Variants in GRM8 observed in about 807,000 individuals in gnomAD.
The protein encoded by GRM8 is metabotropic glutamate receptor 8.
GRM8 carries 47 observed loss-of-function variants against 87.2 expected under a neutral mutation model. The observed-to-expected ratio is 0.54, with a 90% CI of 0.43 to 0.69. The LOEUF is 0.69. GRM8 is among the 30% of genes least tolerant of loss of function. The pLI is 0.00. For missense variants in GRM8, 1,019 were observed against 1,139.2 expected, an observed-to-expected ratio of 0.89 and a Z score of 1.52; for synonymous variants, 396 against 404.5, an observed-to-expected ratio of 0.98 and a Z score of 0.25.
chr7:126,645,013 T>G (rs189575503), intron 7 of GRM8, among the ~76,000 whole-genome samples: 1 of 152,354 alleles, frequency 6.6e-6, no homozygotes, highest in Admixed American at 6.5e-5. Context: ...GTGTCCTTGG[T>G]CATTCCCGGG....
chr7:126,485,420 G>T (rs2150613862), intron 9 of GRM8, among the ~76,000 whole-genome samples: 1 of 152,058 alleles, frequency 6.6e-6, no homozygotes, highest in South Asian at 2.1e-4. Context: ...CACAAGCTAA[G>T]GCATGAGGGC....
intron 2 of GRM8, among the ~76,000 whole-genome samples, chr7:127,236,982 A>G (rs947170278): frequency 6.6e-6 from 1 of 152,224 alleles, no homozygotes; most frequent in Non-Finnish European, 1.5e-5. Flanking sequence ...GAGAGGAAGC[A>G]CAAGCTGCTT....
intron 7 of GRM8, among the ~76,000 whole-genome samples, chr7:126,617,291 A>G (rs1310814777): frequency 6.6e-6 from 1 of 152,242 alleles, no homozygotes. Context: ...GATTATCTCA[A>G]TAGATGAAGA....
intron 2 of GRM8, among the ~76,000 whole-genome samples, chr7:127,221,673 A>T (rs550812331): frequency 6.6e-6 from 1 of 152,290 alleles, no homozygotes; most frequent in South Asian, 2.1e-4. Flanking sequence ...ATTCTCTTAT[A>T]TTCAGCTCTG....
intron 7 of GRM8, among the ~76,000 whole-genome samples, chr7:126,628,791 A>G (rs1460878034): frequency 6.6e-6 from 1 of 152,108 alleles, no homozygotes; most frequent in African/African-American, 2.4e-5. Context: ...GAGTGTTTTC[A>G]TAGATGCATA....
chr7:126,972,609 C>G (rs4731340), intron 3 of GRM8, among the ~76,000 whole-genome samples: 8,237 of 152,116 alleles, frequency 0.054, 480 homozygotes, highest in African/African-American at 0.15. Flanking sequence ...CTAGATTTAA[C>G]CAATCTATCA....
At chr7:127,028,226 T>C (rs1339689956) in intron 3 of GRM8, among the ~76,000 whole-genome samples, 1 of 152,194 alleles carries the variant, frequency 6.6e-6, no homozygotes, top group Non-Finnish European at 1.5e-5. Context: ...GCTGCTGGAT[T>C]CAGTTTGCCA....
intron 2 of GRM8, among the ~76,000 whole-genome samples, chr7:127,112,569 C>A (rs2299535): frequency 0.17 from 26,407 of 152,214 alleles, 2,455 homozygotes; most frequent in Non-Finnish European, 0.21. Flanking sequence ...TGTATCCTAA[C>A]TTTGAAATAT....
At chr7:126,582,199 C>T (rs192850743) in intron 8 of GRM8, among the ~76,000 whole-genome samples, 1 of 152,116 alleles carries the variant, frequency 6.6e-6, no homozygotes, top group Admixed American at 6.6e-5. Context: ...CTCCAGGGAA[C>T]ACATAAATAA....
chr7:126,581,365 G>T lies in GRM8; in HGVS notation c.1494+27997C>A, dbSNP rs138164278. Among the ~76,000 whole-genome samples the T allele has an allele frequency of 1.4e-4, 22 of 152,112 alleles. No individual in the cohort carries two copies. The East Asian group carries it at 4.1e-3, about 28-fold the overall frequency. On this transcript the variant is annotated intron_variant, in intron 8 of 10. Coordinates refer to ENST00000339582, the MANE Select transcript of GRM8 (RefSeq NM_000845.3). ...GAAAAAGTTCTATTTTTCATGGAAT[G>T]CCCAGTAATTGCTTATCCAGCTGGT...
At chr7:127,092,057 C>T (rs1275990899) in intron 3 of GRM8, among the ~76,000 whole-genome samples, 2 of 130,208 alleles carry the variant, frequency 1.5e-5, no homozygotes, top group Non-Finnish European at 3.3e-5. Context: ...GTCATCACCT[C>T]GCCCCACTGG....
At chr7:126,617,199 C>T (rs1047391123) in intron 7 of GRM8, among the ~76,000 whole-genome samples, 2 of 152,146 alleles carry the variant, frequency 1.3e-5, no homozygotes, top group Non-Finnish European at 2.9e-5. Context: ...GGCTTCATCC[C>T]AGGGATGCAA....
chr7:126,777,902 C>T (rs999502530), intron 6 of GRM8, among the ~76,000 whole-genome samples: 8 of 152,062 alleles, frequency 5.3e-5, no homozygotes, highest in African/African-American at 9.7e-5. Context: ...TAAAGACCAA[C>T]GCTAATAAAG....
chr7:126,853,800 C>T (rs182172515), intron 6 of GRM8, among the ~76,000 whole-genome samples: 109 of 152,308 alleles, frequency 7.2e-4, no homozygotes, highest in African/African-American at 2.6e-3. Context: ...TCTTCACTTG[C>T]TCTCCAACTT....
At chr7:127,223,837 A>G (rs1358222065) in intron 2 of GRM8, among the ~76,000 whole-genome samples, 1 of 152,062 alleles carries the variant, frequency 6.6e-6, no homozygotes, top group Admixed American at 6.6e-5. Flanking sequence ...CAAAGTAATG[A>G]GAAGTATCAG....
rs191629788 is a variant in GRM8, at chr7:126,495,266, G to A, written c.2430+37686C>T. On this transcript the variant is annotated intron_variant, in intron 9 of 10. Transcript: ENST00000339582. ...TTTTAGAAGAGAAAGTTGGGTTAGA[G>A]CCAGCACAGCAAGCTGAAATCTGCT... Among the ~76,000 whole-genome samples the A allele has an allele frequency of 4.6e-5, 7 of 152,112 alleles. No homozygotes were observed. The East Asian group carries it at 1.4e-3, about 30-fold the overall frequency.
chr7:127,219,581 G>C (rs1163027412), intron 2 of GRM8: 1 of 152,144 alleles, frequency 6.6e-6, no homozygotes, highest in Non-Finnish European at 1.5e-5. Flanking sequence ...CTGAACTACA[G>C]GAATGCACCA....
chr7:126,452,349 G>A (rs557682743), intron 9 of GRM8, among the ~76,000 whole-genome samples: 1 of 150,460 alleles, frequency 6.6e-6, no homozygotes, highest in African/African-American at 2.4e-5. Context: ...TGAGTTAATG[G>A]GTGCAGCACA....
At chr7:127,117,809 T>C (rs1587068646) in intron 2 of GRM8, among the ~76,000 whole-genome samples, 1 of 152,206 alleles carries the variant, frequency 6.6e-6, no homozygotes, top group African/African-American at 2.4e-5. Flanking sequence ...GGTTCAATTT[T>C]TCCCCCAAGC....
Sources: allele counts gnomAD v4.1 joint callset (sites outside exome capture counted in the v4.1 genomes callset), GRCh38; gene constraint gnomAD v4.1.1; transcripts MANE v1.5; gene names NCBI Gene and HGNC (gene_info 2026-07-23, HGNC 2026-07-21).